Variants in SNCAIP observed in about 807,000 individuals in gnomAD.
SNCAIP encodes synuclein alpha interacting protein.
A neutral mutation model predicts 86.7 loss-of-function variants in SNCAIP; 43 were observed. The observed-to-expected ratio is 0.50, with a 90% confidence interval of 0.39 to 0.64. SNCAIP has a LOEUF of 0.64. SNCAIP is among the 30% of genes least tolerant of loss of function. The pLI is 0.00. For synonymous variants in SNCAIP, 417 were observed against 427.2 expected, an observed-to-expected ratio of 0.98 and a Z score of 0.29; for missense variants, 981 against 1,103.1, an observed-to-expected ratio of 0.89 and a Z score of 1.57.
At chr5:122,382,541 C>G (rs1220144801) in intron 1 of SNCAIP, among the ~76,000 whole-genome samples, 2 of 152,218 alleles carry the variant, frequency 1.3e-5, no homozygotes, top group African/African-American at 4.8e-5. Context: ...CTTCTCTCAC[C>G]TCGTCAAAGT....
At chr5:122,338,599 A>C (rs1756961963) in intron 1 of SNCAIP, among the ~76,000 whole-genome samples, 1 of 152,206 alleles carries the variant, frequency 6.6e-6, no homozygotes, top group African/African-American at 2.4e-5. Context: ...CAATTTATAA[A>C]GGTTGTGAAT....
intron 1 of SNCAIP, among the ~76,000 whole-genome samples, chr5:122,327,459 A>C (rs1452835084): frequency 6.6e-6 from 1 of 152,064 alleles, no homozygotes; most frequent in Non-Finnish European, 1.5e-5. Flanking sequence ...TAATCCCTAC[A>C]TGTCAATGGA....
intron 3 of SNCAIP, among the ~76,000 whole-genome samples, chr5:122,411,106 T>A (rs1193144076): frequency 6.6e-6 from 1 of 152,026 alleles, no homozygotes; most frequent in African/African-American, 2.4e-5. Context: ...TATCTTCCAC[T>A]CCCCAAACTG....
chr5:122,329,380 T>C (rs570275012), intron 1 of SNCAIP, among the ~76,000 whole-genome samples: 2 of 152,300 alleles, frequency 1.3e-5, no homozygotes, highest in African/African-American at 4.8e-5. Context: ...ACTCCCTCTC[T>C]TGAACCTCCC....
At chr5:122,344,419 C>A (rs1580534191) in intron 1 of SNCAIP, among the ~76,000 whole-genome samples, 1 of 152,062 alleles carries the variant, frequency 6.6e-6, no homozygotes, top group Non-Finnish European at 1.5e-5. Flanking sequence ...TTAATCAATC[C>A]ATAATTGAGA....
intron 1 of SNCAIP, among the ~76,000 whole-genome samples, chr5:122,349,274 C>T (rs1003315698): frequency 1.3e-5 from 2 of 152,064 alleles, no homozygotes; most frequent in Admixed American, 1.3e-4. Context: ...ATACAGATGC[C>T]CAGTTCCCAC....
At chr5:122,433,906 G>A (rs904472099) in intron 6 of SNCAIP, among the ~76,000 whole-genome samples, 1 of 152,144 alleles carries the variant, frequency 6.6e-6, no homozygotes, top group African/African-American at 2.4e-5. Flanking sequence ...ATATTCTCTT[G>A]TGATGCTAGG....
chr5:122,364,642 C>T (rs375389828), intron 1 of SNCAIP, among the ~76,000 whole-genome samples: 202 of 152,356 alleles, frequency 1.3e-3, no homozygotes, highest in African/African-American at 4.5e-3. Context: ...ATTTGCACTA[C>T]GTGCTTTGAT....
intron 2 of SNCAIP, among the ~76,000 whole-genome samples, chr5:122,391,639 G>T (rs984563477): frequency 2.1e-4 from 32 of 152,314 alleles, no homozygotes; most frequent in African/African-American, 7.2e-4. Flanking sequence ...AATCACTGTA[G>T]ATATCAAAGC....
At position 122,405,636 on chromosome 5, in the gene SNCAIP, T is replaced by C. The variant is rs550570271; in HGVS notation, c.130+1771T>C. ...CTGTTATATTATCCCTTACATATAC[T>C]ACCCTTCCAGATAGTTTGACTTACT... On this transcript the variant is annotated intron_variant, in intron 3 of 10. Transcript: ENST00000261368. Among the ~76,000 whole-genome samples, 36 of 152,336 alleles carry C rather than the reference T, an allele frequency of 2.4e-4. 1 individual carries two copies. In the South Asian group the frequency reaches 7.5e-3, roughly 32 times the overall value.
At chr5:122,461,872 T>G (rs971589776) in intron 10 of SNCAIP, among the ~76,000 whole-genome samples, 1 of 152,128 alleles carries the variant, frequency 6.6e-6, no homozygotes, top group Non-Finnish European at 1.5e-5. Flanking sequence ...TTTCGCCATG[T>G]TGGCCAAGCT....
chr5:122,412,359 C>T (rs1047060511), intron 3 of SNCAIP, among the ~76,000 whole-genome samples: 2 of 152,180 alleles, frequency 1.3e-5, no homozygotes, highest in African/African-American at 4.8e-5. Flanking sequence ...GGGAAGGTCA[C>T]GGCTTCCATG....
At chr5:122,406,972 T>C (rs548767712) in intron 3 of SNCAIP, among the ~76,000 whole-genome samples, 2 of 152,350 alleles carry the variant, frequency 1.3e-5, no homozygotes, top group South Asian at 4.1e-4. Flanking sequence ...TTGTACATAT[T>C]ATATCTTTGA....
intron 3 of SNCAIP, among the ~76,000 whole-genome samples, chr5:122,404,538 TA>T (rs1455844877): frequency 6.6e-6 from 1 of 151,938 alleles, no homozygotes; most frequent in Non-Finnish European, 1.5e-5. Flanking sequence ...AAAATGAAAA[TA>T]AAAAAGGATA....
chr5:122,451,856 A>G, intron 10 of SNCAIP: 1 of 417,758 alleles, frequency 2.4e-6, no homozygotes, highest in Middle Eastern at 6.6e-4. Context: ...TCTGGTCCAT[A>G]AATTTCCCTA....
At chr5:122,371,960 A>G (rs1305563627) in intron 1 of SNCAIP, among the ~76,000 whole-genome samples, 1 of 152,150 alleles carries the variant, frequency 6.6e-6, no homozygotes, top group East Asian at 1.9e-4. Flanking sequence ...TAAAGAAGAA[A>G]AATGTGTGAG....
At chr5:122,403,954 G>T in intron 3 of SNCAIP, 89 bp downstream of exon 3, 1 of 962,692 alleles carries the variant, frequency 1.0e-6, no homozygotes. Context: ...GGTCCCCCCT[G>T]CTTTCAGTTT....
intron 3 of SNCAIP, among the ~76,000 whole-genome samples, chr5:122,419,523 A>T (rs530516828): frequency 1.3e-5 from 2 of 152,342 alleles, no homozygotes; most frequent in South Asian, 4.1e-4. Flanking sequence ...CTTCTGTAAG[A>T]TGTTAAAAAT....
chr5:122,353,312 G>A (rs554799297), intron 1 of SNCAIP, among the ~76,000 whole-genome samples: 1 of 152,174 alleles, frequency 6.6e-6, no homozygotes, highest in African/African-American at 2.4e-5. Context: ...ACATTGGGTA[G>A]GAGGACAGTG....
Sources: gnomAD v4.1 joint callset for allele counts (sites outside exome capture counted in the v4.1 genomes callset) on GRCh38, gnomAD v4.1.1 for gene constraint, MANE v1.5 for transcripts, NCBI Gene and HGNC (gene_info 2026-07-23, HGNC 2026-07-21) for gene names.